CELF2: variants seen among roughly 807,000 people sequenced by gnomAD.
CELF2 encodes the protein CUG triplet repeat RNA-binding protein 2.
CELF2 carries 8 observed loss-of-function variants against 62.6 expected under a neutral mutation model. The ratio of observed to expected loss-of-function variants is 0.13; its 90% CI spans 0.07 to 0.23. CELF2 has a LOEUF of 0.23. CELF2 is among the 10% of genes least tolerant of loss of function. CELF2 has a pLI of 1.00. For synonymous variants in CELF2, 258 were observed against 250.0 expected, an observed-to-expected ratio of 1.03 and a Z score of -0.30; for missense variants, 333 against 671.0, an observed-to-expected ratio of 0.50 and a Z score of 5.56.
chr10:10,508,895 T>C, the CELF2 span, among the ~76,000 whole-genome samples: 1 of 152,158 alleles, frequency 6.6e-6, no homozygotes, highest in Non-Finnish European at 1.5e-5. Context: ...AGGTTGGTCT[T>C]GAACTCCTGA....
At chr10:11,259,377 C>T (rs2765990) in intron 5 of CELF2, among the ~76,000 whole-genome samples, 3 of 147,304 alleles carry the variant, frequency 2.0e-5, no homozygotes, top group Non-Finnish European at 3.0e-5. Flanking sequence ...AACTAGGAGG[C>T]GGTGGAACCA....
intron 2 of CELF2, among the ~76,000 whole-genome samples, chr10:11,215,081 A>G (rs2062958268): frequency 6.6e-6 from 1 of 152,246 alleles, no homozygotes; most frequent in African/African-American, 2.4e-5. Flanking sequence ...TAAAGTAGCT[A>G]AAATCACACT....
Position 11,044,940 on chromosome 10 carries a change from C to G in CELF2, c.74+26777C>G, listed in dbSNP as rs537024684. Among the ~76,000 whole-genome samples, 3 of 152,324 alleles carry G rather than the reference C, an allele frequency of 2.0e-5. No homozygotes were observed. In the South Asian group the frequency reaches 6.2e-4, roughly 32 times the overall value. ...TTCTTACTGTGCAGCACATTGTTAC[C>G]TGGAATTCCAGATTGTTCAAGTGCC... On this transcript the variant is annotated intron_variant, in intron 1 of 12. Coordinates refer to ENST00000633077, the MANE Select transcript of CELF2 (RefSeq NM_001326342.2).
chr10:10,996,829 T>A (rs2054004652), intron 2 of CELF2, among the ~76,000 whole-genome samples: 1 of 152,146 alleles, frequency 6.6e-6, no homozygotes, highest in Non-Finnish European at 1.5e-5. Flanking sequence ...TCATCTAACT[T>A]CCTCCTCCCC....
At position 10,936,246 on chromosome 10, in the gene CELF2, G is replaced by A. The variant is rs943905047; in HGVS notation, c.89+16247G>A. ...GAGGTTAGAAAGAAGGTAAAGAAAT[G>A]GTTACTTTGAATGGAGCAATAATCA... On this transcript the variant is annotated intron_variant, in intron 2 of 13. Transcript: ENST00000636488. This position sits in a 1 kb window ranked among gnomAD's most constrained non-coding sequence, Gnocchi z 4.0. Among the ~76,000 whole-genome samples the A allele has an allele frequency of 5.9e-5, 9 of 152,054 alleles. No individual in the cohort carries two copies. The highest frequency in any genetic ancestry group is 2.2e-4 in the African/African-American group (9 of 41,422).
chr10:10,563,201 C>G, the CELF2 span, among the ~76,000 whole-genome samples: 1 of 152,162 alleles, frequency 6.6e-6, no homozygotes. Context: ...TTTTCTGTCT[C>G]TACTGACGCT....
the CELF2 span, among the ~76,000 whole-genome samples, chr10:10,581,180 T>A: frequency 6.6e-6 from 1 of 152,326 alleles, no homozygotes; most frequent in Non-Finnish European, 1.5e-5. Flanking sequence ...AAATGAGTAG[T>A]ATTCACAACT....
chr10:11,007,817 C>G (rs1022082579), intron 1 of CELF2, among the ~76,000 whole-genome samples: 30 of 152,032 alleles, frequency 2.0e-4, no homozygotes, highest in African/African-American at 7.2e-4. Context: ...GTCCGTGGCC[C>G]GCTTAAAGAA....
chr10:11,223,616 AGAGAGTAGCAGGGG>A lies in CELF2; in HGVS notation c.354+6113_354+6126del, dbSNP rs1453766231. The stretch of plus-strand genomic sequence containing the variant: ...GAGATGACTTTTTAAGGACTGTGAC[AGAGAGTAGCAGGGG>A]GAGCTCCGGAGGAGTCCTTGAGGGT... On this transcript the variant is annotated intron_variant, in intron 3 of 12. Coordinates refer to ENST00000633077, the MANE Select transcript of CELF2 (RefSeq NM_001326342.2). This position sits in a 1 kb window ranked among gnomAD's most constrained non-coding sequence, Gnocchi z 5.1. Among the ~76,000 whole-genome samples the A allele has an allele frequency of 6.6e-6, 1 of 152,226 alleles. No homozygotes were observed. Among genetic ancestry groups the A allele is most frequent in the African/African-American group, 2.4e-5 (1 of 41,460 alleles).
At chr10:10,778,758 C>T in the CELF2 span, among the ~76,000 whole-genome samples, 2 of 152,164 alleles carry the variant, frequency 1.3e-5, no homozygotes, top group African/African-American at 4.8e-5. Context: ...ATTAAGAACT[C>T]TGAGAATCTC....
chr10:10,593,931 T>C, the CELF2 span, among the ~76,000 whole-genome samples: 1 of 152,168 alleles, frequency 6.6e-6, no homozygotes, highest in Non-Finnish European at 1.5e-5. Flanking sequence ...GAGCATTACA[T>C]ATGGGGAGGC....
chr10:10,668,753 T>C, the CELF2 span, among the ~76,000 whole-genome samples: 4 of 152,012 alleles, frequency 2.6e-5, no homozygotes, highest in Non-Finnish European at 5.9e-5. Context: ...AGGTCAGGAG[T>C]TTGAGACCAG....
chr10:10,930,074 C>T, intron 2 of CELF2, among the ~76,000 whole-genome samples: 1 of 152,160 alleles, frequency 6.6e-6, no homozygotes, highest in East Asian at 1.9e-4. Flanking sequence ...TATAAGAATC[C>T]ATAGTGACTG....
At chr10:10,670,825 A>C in the CELF2 span, among the ~76,000 whole-genome samples, 1 of 141,284 alleles carries the variant, frequency 7.1e-6, no homozygotes, top group Non-Finnish European at 1.5e-5. Flanking sequence ...AGAATGTCAT[A>C]GTTGAAATCA....
At chr10:10,808,209 T>C (rs1320142990) in intron 1 of CELF2, among the ~76,000 whole-genome samples, 1 of 152,198 alleles carries the variant, frequency 6.6e-6, no homozygotes, top group Non-Finnish European at 1.5e-5. Flanking sequence ...TGTTGTCTAA[T>C]ATCAGGCAAA....
At chr10:10,635,090 A>C in the CELF2 span, among the ~76,000 whole-genome samples, 1 of 152,014 alleles carries the variant, frequency 6.6e-6, no homozygotes, top group African/African-American at 2.4e-5. Context: ...CTTACATTTC[A>C]TTTCTCAAAG....
At chr10:11,036,743 A>G (rs1417139602) in intron 1 of CELF2, among the ~76,000 whole-genome samples, 2 of 152,238 alleles carry the variant, frequency 1.3e-5, no homozygotes, top group East Asian at 3.8e-4. Context: ...GGGGGTTTAC[A>G]GATAGGCTTG....
intron 1 of CELF2, among the ~76,000 whole-genome samples, chr10:11,158,534 G>A (rs2065016662): frequency 6.6e-6 from 1 of 152,020 alleles, no homozygotes; most frequent in African/African-American, 2.4e-5. Context: ...CTGGGTGAGG[G>A]CTGTCTTAAG....
chr10:10,949,228 C>T (rs187172847), intron 2 of CELF2, among the ~76,000 whole-genome samples: 310 of 152,252 alleles, frequency 2.0e-3, no homozygotes, highest in Non-Finnish European at 3.7e-3. Flanking sequence ...ATCCCCTTCC[C>T]ATATTCTCTC....
Sources: allele counts gnomAD v4.1 joint callset (sites outside exome capture counted in the v4.1 genomes callset), GRCh38; gene constraint gnomAD v4.1.1; non-coding constraint Gnocchi (gnomAD v3.1); transcripts MANE v1.5; gene names NCBI Gene and HGNC (gene_info 2026-07-23, HGNC 2026-07-21).